Variants in ATP2A2 observed in about 807,000 individuals in gnomAD.
The protein encoded by ATP2A2 is ATPase sarcoplasmic/endoplasmic reticulum Ca2+ transporting 2, also known as sarcoplasmic/endoplasmic reticulum calcium ATPase 2.
ATP2A2 carries 14 observed loss-of-function variants against 109.3 expected under a neutral mutation model. That is an observed-to-expected ratio of 0.13 (90% CI 0.08 to 0.20). The LOEUF is 0.20. ATP2A2 is among the 10% of genes least tolerant of loss of function. ATP2A2 has a pLI of 1.00. For synonymous variants in ATP2A2, 506 were observed against 490.9 expected (o/e 1.03, Z -0.41); for missense variants, 657 against 1,321.6 (o/e 0.50, Z 7.80).
chr12:110,333,164 G>T lies in ATP2A2; in HGVS notation c.1185-17G>T. The T allele has an allele frequency of 6.2e-7, 1 of 1,602,026 alleles. No individual in the cohort carries two copies. On this transcript the variant is annotated splice_polypyrimidine_tract_variant and intron_variant, in intron 9 of 19. Transcript: ENST00000539276. Reference sequence around the variant, plus strand: ...GGCGACCATACCCTGCTCTAAGAGTGTTTTCTCTTTGGGCAGGCATAAAGA... The same window carrying T: ...GGCGACCATACCCTGCTCTAAGAGTTTTTTCTCTTTGGGCAGGCATAAAGA...
At chr12:110,346,176 G>T in intron 19 of ATP2A2, 25 bp from the exon 20 acceptor site, 1 of 1,614,062 alleles carries the variant, frequency 6.2e-7, no homozygotes, top group South Asian at 1.1e-5. Flanking sequence ...GGCTGGAGGC[G>T]TGACACGTCT....
intron 5 of ATP2A2, among the ~76,000 whole-genome samples, chr12:110,307,016 C>A (rs1337247381): frequency 6.6e-6 from 1 of 152,026 alleles, no homozygotes; most frequent in Non-Finnish European, 1.5e-5. Context: ...ACCTTGGCCT[C>A]CGAAAGTGCT....
Position 110,339,086 on chromosome 12 carries a change from A to G in ATP2A2, c.1420-195A>G, listed in dbSNP as rs1398553254. ...CTATCCCCCTTCCCTTTTTCTCTAT[A>G]GCACTTGTGTTACTTTTGCATCTTA... On this transcript the variant is annotated intron_variant, in intron 11 of 19. Coordinates refer to ENST00000539276, the MANE Select transcript of ATP2A2 (RefSeq NM_170665.4). The surrounding 1 kb of genome is among the most constrained non-coding windows in gnomAD (Gnocchi z 4.4). Among the ~76,000 whole-genome samples the G allele has an allele frequency of 6.6e-6, 1 of 152,110 alleles. No homozygotes were observed. Among genetic ancestry groups the G allele is most frequent in the African/African-American group, 2.4e-5 (1 of 41,406 alleles).
At chr12:110,341,837 C>T (rs1362507304) in intron 14 of ATP2A2, among the ~76,000 whole-genome samples, 1 of 152,204 alleles carries the variant, frequency 6.6e-6, no homozygotes, top group Non-Finnish European at 1.5e-5. Flanking sequence ...CACTGCACTA[C>T]AGCCTGGGCG....
intron 3 of ATP2A2, among the ~76,000 whole-genome samples, chr12:110,283,815 C>A (rs1045445679): frequency 6.6e-6 from 1 of 152,082 alleles, no homozygotes; most frequent in Non-Finnish European, 1.5e-5. Context: ...GTATGCAGGT[C>A]CCAGGGATCA....
At position 110,331,868 on chromosome 12, in the gene ATP2A2, T is replaced by C. The variant is rs1373920346; in HGVS notation, c.1096-729T>C. ...GGGCTTCTGAATTATAATTTGTGAATGCAAATCAAGCAGTGGAAAAATTAT... is the reference window on the plus strand; with the variant it reads ...GGGCTTCTGAATTATAATTTGTGAACGCAAATCAAGCAGTGGAAAAATTAT... On this transcript the variant is annotated intron_variant, in intron 8 of 19. Coordinates refer to ENST00000539276, the MANE Select transcript of ATP2A2 (RefSeq NM_170665.4). 2.0e-5 allele frequency: 3 copies of C among 152,326 alleles called. No homozygotes were observed. The East Asian group carries it at 5.8e-4, about 29-fold the overall frequency. 9.4% of individuals were successfully genotyped at this position (152,326 alleles called of 1,614,324 possible). A position where few individuals can be genotyped will look rare whatever the true frequency, so the allele number is the denominator to read the frequency against.
intron 5 of ATP2A2, among the ~76,000 whole-genome samples, chr12:110,310,002 G>A (rs779043320): frequency 1.3e-5 from 2 of 151,924 alleles, no homozygotes; most frequent in Non-Finnish European, 2.9e-5. Context: ...ATATTTCTCC[G>A]GATGGATGGA....
At chr12:110,334,529 C>G (rs1393607082) in intron 11 of ATP2A2, among the ~76,000 whole-genome samples, 1 of 151,546 alleles carries the variant, frequency 6.6e-6, no homozygotes, top group South Asian at 2.1e-4. Context: ...TTGAAACTTT[C>G]CTTTGACCTT....
rs1879956239 is a variant in ATP2A2 at position 110,347,167 on chromosome 12, G to A, written c.*697G>A. On this transcript the variant is annotated 3_prime_UTR_variant, in exon 20 of 20. Transcript: ENST00000539276. ...AGAAAACATTGTTCCAGATTCAATC[G>A]ACTGGGTTTATGTCCCTTCACATAG... The A allele has an allele frequency of 5.9e-6, 7 of 1,184,802 alleles. No individual in the cohort carries two copies. Among genetic ancestry groups the A allele is most frequent in the Non-Finnish European group, 3.2e-6 (3 of 940,710 alleles). The allele number at this position is 1,184,802 out of a possible 1,614,324, so 73.4% of individuals were successfully genotyped here.
intron 6 of ATP2A2, among the ~76,000 whole-genome samples, chr12:110,324,049 C>T (rs1423725272): frequency 6.6e-6 from 1 of 152,158 alleles, no homozygotes; most frequent in Non-Finnish European, 1.5e-5. Context: ...TTGTTTGAAA[C>T]ATTTTCCCGT....
intron 5 of ATP2A2, among the ~76,000 whole-genome samples, chr12:110,311,434 C>A (rs1201025840): frequency 6.6e-6 from 1 of 151,408 alleles, no homozygotes; most frequent in Non-Finnish European, 1.5e-5. Context: ...ACTAAAAATA[C>A]AAAAATTAGC....
Position 110,350,470 on chromosome 12 carries a change from A to G in ATP2A2, c.*4000A>G. On this transcript the variant is annotated 3_prime_UTR_variant, in exon 20 of 20. Coordinates refer to ENST00000539276, the MANE Select transcript of ATP2A2 (RefSeq NM_170665.4). ...TTATGTGGAGGAAATGTGTATTACC[A>G]ATGGGGTTGTTAGCTTTTAAATCAA... The G allele has an allele frequency of 9.3e-7, 1 of 1,071,798 alleles. No homozygotes were observed. 66.4% of individuals were successfully genotyped at this position (1,071,798 alleles called of 1,614,324 possible).
chr12:110,344,839 G>A (rs746106930), intron 16 of ATP2A2, 47 bp from the exon 17 acceptor site: 74 of 1,579,034 alleles, frequency 4.7e-5, no homozygotes, highest in Middle Eastern at 3.3e-4. Context: ...CGGTGGCAGC[G>A]AGCCCTGCAG....
chr12:110,336,422 G>GGATAA (rs1349193659), intron 11 of ATP2A2, among the ~76,000 whole-genome samples: 1 of 152,156 alleles, frequency 6.6e-6, no homozygotes, highest in Non-Finnish European at 1.5e-5. Flanking sequence ...ATCCCTTCCT[G>GGATAA]GATAATAAGG....
chr12:110,333,668 A>G (rs757190773), intron 10 of ATP2A2, among the ~76,000 whole-genome samples: 3 of 152,252 alleles, frequency 2.0e-5, no homozygotes, highest in Non-Finnish European at 2.9e-5. Context: ...CTTCAGAATG[A>G]TAAGCAGTGA....
At chr12:110,343,507 C>G (rs1879556196) in intron 16 of ATP2A2, 73 bp downstream of exon 16, 2 of 1,547,584 alleles carry the variant, frequency 1.3e-6, no homozygotes. Flanking sequence ...AAATTCATCC[C>G]TTAAAAGCGT....
intron 3 of ATP2A2, among the ~76,000 whole-genome samples, chr12:110,288,003 G>A (rs961788421): frequency 9.9e-5 from 15 of 151,596 alleles, no homozygotes; most frequent in African/African-American, 3.4e-4. Context: ...GCAGTGGTGC[G>A]ATTATAGCTC....
At chr12:110,315,797 C>T (rs552625877) in intron 5 of ATP2A2, among the ~76,000 whole-genome samples, 45 of 152,306 alleles carry the variant, frequency 3.0e-4, no homozygotes, top group African/African-American at 1.1e-3. Flanking sequence ...AAAACTTAGC[C>T]GGCCGCATCG....
rs769052817 is a variant in ATP2A2, at chr12:110,282,632, C to T, written c.136+11C>T. 2.5e-6 allele frequency: 4 copies of T among 1,613,624 alleles called. No homozygotes were observed. In the Admixed American group the frequency reaches 6.7e-5, roughly 27 times the overall value. On this transcript the variant is annotated intron_variant, in intron 2 of 19. Transcript: ENST00000539276. ...TACCGGCTGAAGAAGGTAATCTTAACATGCTGTTTCTGTTTTTTTTCCTCT... is the reference window on the plus strand; with the variant it reads ...TACCGGCTGAAGAAGGTAATCTTAATATGCTGTTTCTGTTTTTTTTCCTCT...
Sources: allele counts gnomAD v4.1 joint callset (sites outside exome capture counted in the v4.1 genomes callset), GRCh38; gene constraint gnomAD v4.1.1; non-coding constraint Gnocchi (gnomAD v3.1); transcripts MANE v1.5; gene names NCBI Gene and HGNC (gene_info 2026-07-23, HGNC 2026-07-21).